ALS2CL: variants seen among roughly 807,000 people sequenced by gnomAD.
ALS2CL encodes the protein ALS2 C-terminal-like protein.
ALS2CL carries 112 observed loss-of-function variants against 127.9 expected under a neutral mutation model. The observed-to-expected ratio is 0.88, with a 90% confidence interval of 0.75 to 1.02. ALS2CL has a LOEUF of 1.02. ALS2CL is among the 50% of genes least tolerant of loss of function. The probability of loss-of-function intolerance (pLI) is 0.00; values close to 1 mark genes in which losing one functional copy is unlikely to be tolerated. For synonymous variants in ALS2CL, 519 were observed against 527.6 expected, an observed-to-expected ratio of 0.98 and a Z score of 0.22; for missense variants, 1,174 against 1,236.7, an observed-to-expected ratio of 0.95 and a Z score of 0.76.
rs772126763 is a variant in ALS2CL, at chr3:46,681,478, C to A, written c.1274+22G>T. On this transcript the variant is annotated intron_variant, in intron 12 of 25. Transcript: ENST00000318962. The surrounding 1 kb of genome is among the most constrained non-coding windows in gnomAD (Gnocchi z 4.9). ...CCAGAGGATGGGCCCAGCCCATGAA[C>A]CCCCCAGCCAGGGTCACTTACTCAC... 2.5e-6 allele frequency: 4 copies of A among 1,613,812 alleles called. No individual in the cohort carries two copies. The highest frequency in any genetic ancestry group is 3.4e-6 in the Non-Finnish European group (4 of 1,179,770).
chr3:46,671,124 A>G, intron 25 of ALS2CL, 60 bp from the exon 26 acceptor site: 1 of 1,529,794 alleles, frequency 6.5e-7, no homozygotes, highest in Non-Finnish European at 9.1e-7. Flanking sequence ...CCACATGCAC[A>G]GGATCTAGGG....
Position 46,671,935 on chromosome 3 carries a change from A to G in ALS2CL, c.2633T>C (p.Leu878Pro). The G allele has an allele frequency of 6.2e-7, 1 of 1,613,934 alleles. No homozygotes were observed. Among genetic ancestry groups the G allele is most frequent in the Non-Finnish European group, 8.5e-7 (1 of 1,180,000 alleles). ...VSRVLGREYK[L>P]PMDDLLPLLI... is the part of the protein sequence containing the mutation. Reference sequence around the variant, plus strand: ...AAGTGGCAGCAGGTCGTCCATGGGCAGCTTGTACTCCCGGCCCAATACCCT... The same window carrying G: ...AAGTGGCAGCAGGTCGTCCATGGGCGGCTTGTACTCCCGGCCCAATACCCT... Residue 878 changes from leucine to proline, a missense_variant, in exon 24 of 26, where the codon CTG (leucine) becomes CCG (proline). Physicochemically the swap from Leu to Pro is moderately conservative, Grantham distance 98 (BLOSUM62 -3). Coordinates refer to ENST00000318962, the MANE Select transcript of ALS2CL (RefSeq NM_147129.5).
At position 46,686,446 on chromosome 3, in the gene ALS2CL, G is replaced by C. The variant is rs756107111; in HGVS notation, c.535-7C>G. 11 of 1,611,506 alleles carry C rather than the reference G, an allele frequency of 6.8e-6. No homozygotes were observed. In the Admixed American group the frequency reaches 1.8e-4, roughly 27 times the overall value. On this transcript the variant is annotated splice_region_variant and splice_polypyrimidine_tract_variant and intron_variant, in intron 5 of 25. Transcript: ENST00000318962. This position sits in a 1 kb window ranked among gnomAD's most constrained non-coding sequence, Gnocchi z 4.3. ...GCTCCCGGGTTGGGTGATGCTGAAG[G>C]GGGACAGGGCAGCCAGTGAGAGGAG...
chr3:46,685,788 G>C, intron 6 of ALS2CL, 144 bp from the exon 7 acceptor site: 1 of 1,173,720 alleles, frequency 8.5e-7, no homozygotes. Context: ...TCAGAGATAG[G>C]CAGAAATGCA....
chr3:46,678,360 G>C lies in ALS2CL; in HGVS notation c.1656C>G (p.Thr552=). 6.2e-7 allele frequency: 1 copy of C among 1,613,150 alleles called. No individual in the cohort carries two copies. Residue 552 remains threonine, a synonymous_variant, in exon 16 of 26, where the codon ACC becomes ACG. Transcript: ENST00000318962. The part of the protein sequence containing the change: ...KGKVTFPNGF[T]LEGSFGSGAG... ...CCCCACTGCCGAACGAGCCCTCCAG[G>C]GTGAAGCCATTGGGGAAGGTGACCT...
chr3:46,692,764 C>T (rs1224179238), intron 1 of ALS2CL, among the ~76,000 whole-genome samples: 2 of 152,216 alleles, frequency 1.3e-5, no homozygotes, highest in Non-Finnish European at 2.9e-5. Context: ...GCCCCTGTGG[C>T]GCTCTAACCA....
chr3:46,683,285 G>A lies in ALS2CL; in HGVS notation c.954C>T (p.Ala318=), dbSNP rs777453223. The change falls in exon 10 of 26, where the codon GCC becomes GCT. Residue 318 remains alanine (A), a synonymous_variant. Transcript: ENST00000318962. ...QWKVTWAVHQ[A]LHGKKDFPVL... ...CGGGGAAGTCCTTCTTCCCATGCAG[G>A]GCCTGGTGAACAGCCCAGGTCACCT... is the stretch of plus-strand genomic sequence containing the variant. 1.9e-6 allele frequency: 3 copies of A among 1,603,334 alleles called. No homozygotes were observed. Among genetic ancestry groups the A allele is most frequent in the South Asian group, 1.1e-5 (1 of 89,578 alleles).
Position 46,687,132 on chromosome 3 carries a change from G to A in ALS2CL, c.385C>T (p.Gln129Ter). 1 of 1,521,990 alleles carries A rather than the reference G, an allele frequency of 6.6e-7. No individual in the cohort carries two copies. The highest frequency in any genetic ancestry group is 1.3e-5 in the South Asian group (1 of 79,744). The allele number at this position is 1,521,990 out of a possible 1,614,324, so 94.3% of individuals were successfully genotyped here. The change falls in exon 5 of 26, where the codon CAG becomes TAG. Residue 129 changes from glutamine to a stop codon, truncating the protein, a stop_gained. Transcript: ENST00000318962. LOFTEE classifies it high-confidence loss of function. ...AKRRSEYWRG[Q>*]RKALRQLLSG... ...AGCAGCTGCCGCAGCGCCTTCCGCT[G>A]GCCCCGCCAGTACTCGCTGCGTGTA...
chr3:46,683,694 T>C, intron 9 of ALS2CL, 88 bp downstream of exon 9: 1 of 1,510,742 alleles, frequency 6.6e-7, no homozygotes, highest in Non-Finnish European at 9.2e-7. Context: ...GGCACTCCTG[T>C]GGGGCCCTGC....
chr3:46,688,061 C>T lies in ALS2CL; in HGVS notation c.302+37G>A, dbSNP rs187942790. 3.2e-4 allele frequency: 516 copies of T among 1,602,514 alleles called. 3 individuals are homozygous for T. The African/African-American group carries it at 5.9e-3, about 18-fold the overall frequency. On this transcript the variant is annotated intron_variant, in intron 3 of 25. Coordinates refer to ENST00000318962, the MANE Select transcript of ALS2CL (RefSeq NM_147129.5). Reference sequence around the variant, plus strand: ...TTAATGCCAGGTGTCACTCTGACACCAGGGATGAGCCCCAGCCCCACCTCC... The same window carrying T: ...TTAATGCCAGGTGTCACTCTGACACTAGGGATGAGCCCCAGCCCCACCTCC...
In ALS2CL at chr3:46,676,902, G is replaced by C. The variant is rs199667002; in HGVS notation, c.1878C>G (p.Asp626Glu). 1.2e-5 allele frequency: 20 copies of C among 1,611,420 alleles called. No individual in the cohort carries two copies. The Middle Eastern group carries it at 8.2e-4, about 66-fold the overall frequency. ...TACGCAGCTCCCTGGAGCTCTGCAC[G>C]TCGAAGCCCAGCAGGGCCTCCTGCA... ...RDLQEALLGF[D>E]VQSSRELRRS... is the part of the protein sequence containing the mutation. Residue 626 changes from aspartate (D) to glutamate (E), a missense_variant, in exon 17 of 26, where the codon GAC (aspartate) becomes GAG (glutamate). Physicochemically the swap from Asp to Glu is conservative, Grantham distance 45 (BLOSUM62 2). Transcript: ENST00000318962.
rs574364386 is a variant in ALS2CL, at chr3:46,691,367, T to C, written c.-25-1902A>G. On this transcript the variant is annotated intron_variant, in intron 1 of 25. Coordinates refer to ENST00000318962, the MANE Select transcript of ALS2CL (RefSeq NM_147129.5). ...AGATGCAGACTAGGAACCAGATCAG[T>C]GCACGTTGAAAAGATACTGCAGTAA... 3.9e-5 allele frequency among the ~76,000 whole-genome samples: 6 copies of C among 152,194 alleles called. No individual in the cohort carries two copies. The East Asian group carries it at 9.6e-4, about 24-fold the overall frequency.
In ALS2CL at chr3:46,681,407, C is replaced by T; in HGVS notation, c.1275G>A (p.Glu425=). 1 of 1,605,816 alleles carries T rather than the reference C, an allele frequency of 6.2e-7. No individual in the cohort carries two copies. Among genetic ancestry groups the T allele is most frequent in the Non-Finnish European group, 8.5e-7 (1 of 1,173,710 alleles). The change falls in exon 13 of 26, where the codon GAG becomes GAA. Residue 425 remains glutamate, a splice_region_variant and synonymous_variant. Coordinates refer to ENST00000318962, the MANE Select transcript of ALS2CL (RefSeq NM_147129.5). The surrounding 1 kb of genome is among the most constrained non-coding windows in gnomAD (Gnocchi z 4.9). ...CCTTGTACACCTCGTCGGTGCTGTA[C>T]CTGGGGAGGGCCATCAACAACGAGC... ...EGSMCGYGIC[E]YSTDEVYKGY...
At position 46,676,942 on chromosome 3, in the gene ALS2CL, C is replaced by A; in HGVS notation, c.1838G>T (p.Gly613Val). 1 of 1,613,698 alleles carries A rather than the reference C, an allele frequency of 6.2e-7. No individual in the cohort carries two copies. The highest frequency in any genetic ancestry group is 1.1e-5 in the South Asian group (1 of 91,082). The stretch of plus-strand genomic sequence containing the variant: ...GGCCTCCTGCAGGTCCCTGGGGCAG[C>A]CAGCACACACAAAGTCCCGGAAGGG... ...YSPFRDFVCAGCPRDLQEALL... is the reference protein window; with the variant it reads ...YSPFRDFVCAVCPRDLQEALL... Residue 613 changes from glycine (G) to valine (V), a missense_variant, in exon 17 of 26, where the codon GGC (glycine) becomes GTC (valine). Gly to Val is a moderately radical substitution (Grantham distance 109). Coordinates refer to ENST00000318962, the MANE Select transcript of ALS2CL (RefSeq NM_147129.5).
Position 46,681,614 on chromosome 3 carries a change from T to TG in ALS2CL, c.1176-17dup, listed in dbSNP as rs756213898. 9.3e-6 allele frequency: 15 copies of TG among 1,613,528 alleles called. No homozygotes were observed. The highest frequency in any genetic ancestry group is 1.3e-5 in the Non-Finnish European group (15 of 1,179,690). On this transcript the variant is annotated splice_polypyrimidine_tract_variant and intron_variant, in intron 11 of 25. Coordinates refer to ENST00000318962, the MANE Select transcript of ALS2CL (RefSeq NM_147129.5). The surrounding 1 kb of genome is among the most constrained non-coding windows in gnomAD (Gnocchi z 4.9). ...GATGCCGAAGCTGACAGCATGGTTGTGGGGGTGGGGATCAGCCCTGACCTG... is the reference window on the plus strand; with the variant it reads ...GATGCCGAAGCTGACAGCATGGTTGTGGGGGGTGGGGATCAGCCCTGACCTG...
intron 23 of ALS2CL, 24 bp downstream of exon 23, chr3:46,672,116 C>G: frequency 6.2e-7 from 1 of 1,614,174 alleles, no homozygotes; most frequent in East Asian, 2.2e-5. Flanking sequence ...TCCGGACCCC[C>G]AACCCACTAC....
At chr3:46,683,027 C>T (rs9847378) in intron 10 of ALS2CL, 103 bp downstream of exon 10, 77,754 of 1,250,490 alleles carry the variant, frequency 0.062, 3,011 homozygotes, top group South Asian at 0.14. Context: ...AGAGAGTAAC[C>T]GCTCCTGGAA....
At chr3:46,687,582 AC>A in intron 4 of ALS2CL, 36 bp downstream of exon 4, 1 of 1,607,712 alleles carries the variant, frequency 6.2e-7, no homozygotes, top group African/African-American at 1.3e-5. Flanking sequence ...AGGCACTCCC[AC>A]CCTGTCAGGG....
intron 22 of ALS2CL, among the ~76,000 whole-genome samples, 172 bp from the exon 23 acceptor site, chr3:46,672,373 G>C (rs2106683353): frequency 6.6e-6 from 1 of 152,334 alleles, no homozygotes; most frequent in East Asian, 1.9e-4. Flanking sequence ...TCCACTGTGG[G>C]CCTCAGTTTG....
Sources: allele counts gnomAD v4.1 joint callset (sites outside exome capture counted in the v4.1 genomes callset), GRCh38; gene constraint gnomAD v4.1.1; non-coding constraint Gnocchi (gnomAD v3.1); transcripts MANE v1.5; gene names NCBI Gene and HGNC (gene_info 2026-07-23, HGNC 2026-07-21).